Variants in OSTN observed in about 807,000 individuals in gnomAD.
OSTN encodes osteocrin.
Under a neutral mutation model 12.0 loss-of-function variants are expected in OSTN, and 9 were observed. The observed-to-expected ratio is 0.75, with a 90% CI of 0.45 to 1.30. OSTN has a LOEUF of 1.30. Ranked by LOEUF, OSTN falls within the 50% of genes most tolerant of loss-of-function variation. The probability of loss-of-function intolerance (pLI) is 0.00; values close to 1 mark genes in which losing one functional copy is unlikely to be tolerated. For missense variants in OSTN, 148 were observed against 152.3 expected (o/e 0.97, Z 0.15); for synonymous variants, 59 against 56.9 (o/e 1.04, Z -0.16).
Position 191,200,460 on chromosome 3 carries a change from C to G in OSTN, c.-1+1153C>G, listed in dbSNP as rs990177835. ...AGGGCTATAATTTTAACTTCTTTTA[C>G]AAATACTCTCAATGATTTGAACATT... On this transcript the variant is annotated intron_variant, in intron 1 of 4. Transcript: ENST00000682035. Among the ~76,000 whole-genome samples the G allele has an allele frequency of 2.7e-4, 41 of 152,188 alleles. 1 individual carries two copies. The highest frequency in any genetic ancestry group is 9.9e-4 in the African/African-American group (41 of 41,546).
chr3:191,238,635 G>C (rs569593645), intron 3 of OSTN, among the ~76,000 whole-genome samples: 244 of 152,288 alleles, frequency 1.6e-3, no homozygotes, highest in Non-Finnish European at 3.0e-3. Flanking sequence ...TTCCCTTTGG[G>C]GTAGTGATTT....
intron 4 of OSTN, among the ~76,000 whole-genome samples, chr3:191,261,822 AAAG>A (rs1715817738): frequency 6.6e-6 from 1 of 152,372 alleles, no homozygotes; most frequent in African/African-American, 2.4e-5. Context: ...ACTCAAATTC[AAAG>A]AAGTATTTTG....
intron 3 of OSTN, among the ~76,000 whole-genome samples, chr3:191,241,480 G>T (rs1318475931): frequency 6.6e-6 from 1 of 152,060 alleles, no homozygotes; most frequent in Admixed American, 6.5e-5. Context: ...CAACGCGCCT[G>T]GCCAGCTCTG....
chr3:191,205,832 G>A (rs1487945361), intron 1 of OSTN, among the ~76,000 whole-genome samples: 2 of 152,106 alleles, frequency 1.3e-5, no homozygotes, highest in African/African-American at 4.8e-5. Flanking sequence ...TTTTGAAAGG[G>A]TAGGGAAATG....
rs563138982 is a variant in OSTN at position 191,218,868 on chromosome 3, T to C, written c.224T>C (p.Val75Ala). The C allele has an allele frequency of 1.2e-6, 2 of 1,614,118 alleles. No homozygotes were observed. The highest frequency in any genetic ancestry group is 3.3e-5 in the Admixed American group (2 of 60,000). The change falls in exon 3 of 5, where the codon GTG becomes GCG. Residue 75 changes from valine to alanine, a missense_variant. Transcript: ENST00000682035. ...GAATTGGTGTCCCTAGAAAATGATG[T>C]GATTGAGACAAAGAAGAAAAGGAGT... Reference protein sequence around the residue: ...LDELVSLENDVIETKKKRSFS... With the variant: ...LDELVSLENDAIETKKKRSFS...
chr3:191,258,113 C>G (rs1199324297), intron 4 of OSTN, among the ~76,000 whole-genome samples: 1 of 152,124 alleles, frequency 6.6e-6, no homozygotes, highest in Admixed American at 6.5e-5. Context: ...AAACAGGTAG[C>G]AAATTTATAT....
intron 4 of OSTN, among the ~76,000 whole-genome samples, chr3:191,260,833 C>CA (rs1560127501): frequency 1.3e-5 from 2 of 152,062 alleles, no homozygotes; most frequent in African/African-American, 4.8e-5. Flanking sequence ...CACAGAAAGA[C>CA]AGAGACAAAG....
intron 3 of OSTN, among the ~76,000 whole-genome samples, chr3:191,236,225 C>A (rs62288508): frequency 6.6e-6 from 1 of 152,140 alleles, no homozygotes; most frequent in African/African-American, 2.4e-5. Flanking sequence ...TTTTACTCAG[C>A]CTTTTAAAGC....
chr3:191,227,031 TATC>T (rs1714929596), intron 3 of OSTN, among the ~76,000 whole-genome samples: 1 of 152,030 alleles, frequency 6.6e-6, no homozygotes, highest in South Asian at 2.1e-4. Flanking sequence ...ATTTTAAAGT[TATC>T]ATGACAAAAG....
rs570662562 is a variant in OSTN, at chr3:191,214,886, C to T, written c.102+2252C>T. ...AATTAGCTGGGTGTGATGGTGACCA[C>T]CCATAATCCCAGCTACTCAGGAGGC... is the stretch of plus-strand genomic sequence containing the variant. On this transcript the variant is annotated intron_variant, in intron 2 of 4. Transcript: ENST00000682035. Among the ~76,000 whole-genome samples the T allele has an allele frequency of 3.9e-5, 6 of 152,120 alleles. No homozygotes were observed. The South Asian group carries it at 1.2e-3, about 32-fold the overall frequency.
rs146521412 is a variant in OSTN, at chr3:191,205,529, CTTA to C, written c.-1+6227_-1+6229del. Reference sequence around the variant, plus strand: ...TGGAGGTTGTAGAGATCTGAAAATTCTTATTATCAAAAATTCGTATTTTGTCTT... The same window carrying C: ...TGGAGGTTGTAGAGATCTGAAAATTCTTATCAAAAATTCGTATTTTGTCTT... On this transcript the variant is annotated intron_variant, in intron 1 of 4. Transcript: ENST00000682035. Among the ~76,000 whole-genome samples, 368 of 151,602 alleles carry C rather than the reference CTTA, an allele frequency of 2.4e-3. 1 individual carries two copies. Among genetic ancestry groups the C allele is most frequent in the African/African-American group, 8.5e-3 (352 of 41,432 alleles).
chr3:191,255,024 G>A lies in OSTN; in HGVS notation c.*12+4891G>A, dbSNP rs1266050298. On this transcript the variant is annotated intron_variant, in intron 4 of 4. Transcript: ENST00000682035. ...TTCAGCTGTCCCCAGGCTTTTCGGC[G>A]CCGGGGACTGGTTTCCTGGAAGACA... 2.0e-5 allele frequency among the ~76,000 whole-genome samples: 3 copies of A among 152,278 alleles called. No individual in the cohort carries two copies. The East Asian group carries it at 5.8e-4, about 29-fold the overall frequency.
intron 2 of OSTN, among the ~76,000 whole-genome samples, chr3:191,213,738 A>T (rs1019280606): frequency 1.3e-5 from 2 of 151,942 alleles, no homozygotes; most frequent in Non-Finnish European, 2.9e-5. Context: ...TCTGAAAAGC[A>T]TTATATTAAA....
At chr3:191,213,095 T>C (rs1267913053) in intron 2 of OSTN, among the ~76,000 whole-genome samples, 1 of 151,846 alleles carries the variant, frequency 6.6e-6, no homozygotes, top group East Asian at 1.9e-4. Flanking sequence ...GGTCTTGAAC[T>C]CCTGACCTCG....
chr3:191,226,834 C>T (rs1714923386), intron 3 of OSTN, among the ~76,000 whole-genome samples: 1 of 152,016 alleles, frequency 6.6e-6, no homozygotes, highest in Non-Finnish European at 1.5e-5. Flanking sequence ...TCAATTAATT[C>T]ATTCTCAAAC....
intron 2 of OSTN, chr3:191,213,324 C>T (rs1714514976): frequency 6.6e-6 from 1 of 152,080 alleles, no homozygotes; most frequent in Non-Finnish European, 1.5e-5. Flanking sequence ...GCCAACATGC[C>T]ATTCAAGGTT....
Position 191,212,538 on chromosome 3 carries a change from G to A in OSTN, c.6G>A (p.Leu2=). The A allele has an allele frequency of 6.3e-7, 1 of 1,581,258 alleles. No homozygotes were observed. The highest frequency in any genetic ancestry group is 8.6e-7 in the Non-Finnish European group (1 of 1,158,724). Residue 2 remains leucine, a synonymous_variant, in exon 2 of 5, where the codon CTG becomes CTA. Coordinates refer to ENST00000682035, the MANE Select transcript of OSTN (RefSeq NM_198184.2). ...ATGACATATGTAACCCTTAGATGCT[G>A]GACTGGAGATTGGCAAGTGCACATT... M[L]DWRLASAHFI...
In OSTN at chr3:191,235,040, T is replaced by A. The variant is rs142205896; in HGVS notation, c.318-14997T>A. Among the ~76,000 whole-genome samples, 12 of 152,276 alleles carry A rather than the reference T, an allele frequency of 7.9e-5. No homozygotes were observed. The East Asian group carries it at 2.3e-3, about 29-fold the overall frequency. The stretch of plus-strand genomic sequence containing the variant: ...TCAAGAAACACTTTGCTCCAGAATA[T>A]TGTTATTATACCACCTAATTGAAAG... On this transcript the variant is annotated intron_variant, in intron 3 of 4. Coordinates refer to ENST00000682035, the MANE Select transcript of OSTN (RefSeq NM_198184.2).
At chr3:191,242,397 G>T (rs971370742) in intron 3 of OSTN, among the ~76,000 whole-genome samples, 1 of 152,108 alleles carries the variant, frequency 6.6e-6, no homozygotes, top group African/African-American at 2.4e-5. Context: ...TTCCCTAAAT[G>T]AATTATACCT....
Sources: allele counts gnomAD v4.1 joint callset (sites outside exome capture counted in the v4.1 genomes callset), GRCh38; gene constraint gnomAD v4.1.1; transcripts MANE v1.5; gene names NCBI Gene and HGNC (gene_info 2026-07-23, HGNC 2026-07-21).